Variants in SERPINB9 observed in about 807,000 individuals in gnomAD.
SERPINB9 encodes the protein serpin family B member 9.
A neutral mutation model predicts 27.2 loss-of-function variants in SERPINB9; 20 were observed. The ratio of observed to expected loss-of-function variants is 0.74; its 90% confidence interval spans 0.52 to 1.07. The LOEUF is 1.07. SERPINB9 is among the 50% of genes least tolerant of loss of function. The pLI, the probability that SERPINB9 is intolerant of heterozygous loss-of-function variation, is 0.00. For missense variants in SERPINB9, 476 were observed against 460.1 expected, an observed-to-expected ratio of 1.03 and a Z score of -0.32; for synonymous variants, 189 against 180.0, an observed-to-expected ratio of 1.05 and a Z score of -0.40.
intron 1 of SERPINB9, among the ~76,000 whole-genome samples, chr6:2,900,885 T>TCACACACACACA (rs5742054): frequency 6.4e-5 from 9 of 141,482 alleles, no homozygotes; most frequent in African/African-American, 1.4e-4. Context: ...GCTCGCTCTC[T>TCACACACACACA]CACACACACA....
chr6:2,893,389 G>T, intron 5 of SERPINB9, 22 bp downstream of exon 5: 1 of 1,589,972 alleles, frequency 6.3e-7, no homozygotes, highest in Non-Finnish European at 8.6e-7. Flanking sequence ...AAACTAGCAG[G>T]ATTTTAAAAA....
chr6:2,892,578 C>T (rs1335056809), intron 5 of SERPINB9, among the ~76,000 whole-genome samples: 1 of 152,018 alleles, frequency 6.6e-6, no homozygotes, highest in Non-Finnish European at 1.5e-5. Flanking sequence ...CATAGAAGCT[C>T]AGCAAAGTAT....
Position 2,887,952 on chromosome 6 carries a change from C to G in SERPINB9, c.*2211G>C, listed in dbSNP as rs1410626264. On this transcript the variant is annotated 3_prime_UTR_variant, in exon 7 of 7. Transcript: ENST00000380698. Reference sequence around the variant, plus strand: ...ACTTCACTTTGTTTTCATTCCTCCTCTAAAGCTTTTTAACAAACTGTCACT... The same window carrying G: ...ACTTCACTTTGTTTTCATTCCTCCTGTAAAGCTTTTTAACAAACTGTCACT... 1 of 151,582 alleles carries G rather than the reference C, an allele frequency of 6.6e-6. No individual in the cohort carries two copies. Among genetic ancestry groups the G allele is most frequent in the African/African-American group, 2.4e-5 (1 of 41,262 alleles). 9.4% of individuals were successfully genotyped at this position (151,582 alleles called of 1,614,324 possible).
rs1171136403 is a variant in SERPINB9 at position 2,889,200 on chromosome 6, T to C, written c.*963A>G. 1.3e-5 allele frequency: 2 copies of C among 152,188 alleles called. No individual in the cohort carries two copies. The highest frequency in any genetic ancestry group is 4.8e-5 in the African/African-American group (2 of 41,436). 9.4% of individuals were successfully genotyped at this position (152,188 alleles called of 1,614,324 possible). A position where few individuals can be genotyped will look rare whatever the true frequency, so the allele number is the denominator to read the frequency against. On this transcript the variant is annotated 3_prime_UTR_variant, in exon 7 of 7. Transcript: ENST00000380698. The stretch of plus-strand genomic sequence containing the variant: ...AGAAATACAATATCATAAAGAAAGA[T>C]GTGATCCCTACAAGAGGATTACGTG...
At position 2,900,436 on chromosome 6, in the gene SERPINB9, A is replaced by C. The variant is rs1161279839; in HGVS notation, c.168+8T>G. ...CAGTCCCTGCTCCTGGCGGACGGGCAAGCTTACCTGGGCCATCTGGGTTGC... is the reference window on the plus strand; with the variant it reads ...CAGTCCCTGCTCCTGGCGGACGGGCCAGCTTACCTGGGCCATCTGGGTTGC... On this transcript the variant is annotated splice_region_variant and intron_variant, in intron 2 of 6. Transcript: ENST00000380698. 1.2e-6 allele frequency: 2 copies of C among 1,613,636 alleles called. No individual in the cohort carries two copies. Among genetic ancestry groups the C allele is most frequent in the South Asian group, 2.2e-5 (2 of 91,058 alleles).
At chr6:2,901,690 G>GAAGA (rs1768207127) in intron 1 of SERPINB9, among the ~76,000 whole-genome samples, 1 of 151,944 alleles carries the variant, frequency 6.6e-6, no homozygotes, top group Admixed American at 6.5e-5. Flanking sequence ...GGTGAGCCTG[G>GAAGA]GAGACCTCCC....
Position 2,903,140 on chromosome 6 carries a change from G to C in SERPINB9, c.-11+61C>G, listed in dbSNP as rs915703865. ...CCGGTCCCATCACTCGGTGGCAGCC[G>C]GTGGACCTGAAGCTCGCCACTCCCG... On this transcript the variant is annotated intron_variant, in intron 1 of 6. Transcript: ENST00000380698. This position sits in a 1 kb window ranked among gnomAD's most constrained non-coding sequence, Gnocchi z 5.2. 36 of 152,160 alleles carry C rather than the reference G, an allele frequency of 2.4e-4. No individual in the cohort carries two copies. Among genetic ancestry groups the C allele is most frequent in the African/African-American group, 8.2e-4 (34 of 41,410 alleles). 9.4% of individuals were successfully genotyped at this position (152,160 alleles called of 1,614,324 possible).
intron 1 of SERPINB9, among the ~76,000 whole-genome samples, chr6:2,902,706 C>T (rs1347309561): frequency 6.6e-6 from 1 of 151,912 alleles, no homozygotes. Flanking sequence ...TTAGTAGAGA[C>T]CGGTTTTCAC....
Position 2,900,248 on chromosome 6 carries a change from C to T in SERPINB9, c.168+196G>A, listed in dbSNP as rs28482830. On this transcript the variant is annotated intron_variant, in intron 2 of 6. Transcript: ENST00000380698. ...AGGAAAGTTTCCCCCAAATAAATCT[C>T]GGTGGAGCAGAGTTCCTGCCTCCCT... is the stretch of plus-strand genomic sequence containing the variant. Among the ~76,000 whole-genome samples, 7 of 152,260 alleles carry T rather than the reference C, an allele frequency of 4.6e-5. No homozygotes were observed. The East Asian group carries it at 1.4e-3, about 29-fold the overall frequency.
chr6:2,891,207 G>A lies in SERPINB9; in HGVS notation c.723+626C>T, dbSNP rs1345321591. Among the ~76,000 whole-genome samples the A allele has an allele frequency of 6.6e-6, 1 of 152,160 alleles. No homozygotes were observed. Among genetic ancestry groups the A allele is most frequent in the Admixed American group, 6.5e-5 (1 of 15,278 alleles). ...TGGAGATCCATGCTGAAAGGAAGCC[G>A]AGTGCCTGGATGTGCCCTCAGAGGC... On this transcript the variant is annotated intron_variant, in intron 6 of 6. Coordinates refer to ENST00000380698, the MANE Select transcript of SERPINB9 (RefSeq NM_004155.6). The surrounding 1 kb of genome is among the most constrained non-coding windows in gnomAD (Gnocchi z 4.0).
At chr6:2,896,936 T>C (rs1025788059) in intron 2 of SERPINB9, among the ~76,000 whole-genome samples, 1 of 150,870 alleles carries the variant, frequency 6.6e-6, no homozygotes, top group African/African-American at 2.4e-5. Context: ...GCCCAAGAGT[T>C]TGAGGCTAGC....
chr6:2,894,105 C>T lies in SERPINB9; in HGVS notation c.425-552G>A, dbSNP rs1767916584. ...AGAGGATGTGGGCAAACAAAGATCA[C>T]CCCTTCTTTCCCTGGAGATCAAGTG... On this transcript the variant is annotated intron_variant, in intron 4 of 6. Transcript: ENST00000380698. The surrounding 1 kb of genome is among the most constrained non-coding windows in gnomAD (Gnocchi z 4.7). Among the ~76,000 whole-genome samples, 9 of 152,128 alleles carry T rather than the reference C, an allele frequency of 5.9e-5. No individual in the cohort carries two copies. The South Asian group carries it at 1.9e-3, about 32-fold the overall frequency.
intron 1 of SERPINB9, among the ~76,000 whole-genome samples, chr6:2,902,966 A>G (rs1014619239): frequency 2.0e-5 from 3 of 152,028 alleles, no homozygotes; most frequent in South Asian, 2.1e-4. Context: ...CAGCGAGGAG[A>G]CATCCGGGAG....
rs61100591 is a variant in SERPINB9 at position 2,900,885 on chromosome 6, T to TCTCTCTCTCACACACACACACA, written c.-10-265_-10-264insTGTGTGTGTGTGTGAGAGAGAG. Among the ~76,000 whole-genome samples, 998 of 141,558 alleles carry TCTCTCTCTCACACACACACACA rather than the reference T, an allele frequency of 7.1e-3. 16 individuals are homozygous for TCTCTCTCTCACACACACACACA. Among genetic ancestry groups the TCTCTCTCTCACACACACACACA allele is most frequent in the African/African-American group, 0.025 (895 of 35,830 alleles). 92.9% of individuals were successfully genotyped at this position (141,558 alleles called of 152,430 possible). A position where few individuals can be genotyped will look rare whatever the true frequency, so the allele number is the denominator to read the frequency against. On this transcript the variant is annotated intron_variant, in intron 1 of 6. Transcript: ENST00000380698. ...TGGCTCGCCTGCAGAGCTCGCTCTC[T>TCTCTCTCTCACACACACACACA]CACACACACACACACACACACACAC...
intron 3 of SERPINB9, among the ~76,000 whole-genome samples, 196 bp downstream of exon 3, chr6:2,895,857 C>G (rs1467256721): frequency 2.0e-5 from 3 of 151,732 alleles, no homozygotes; most frequent in South Asian, 2.1e-4. Flanking sequence ...TCCCAACAGG[C>G]AGGAGGATCA....
rs1385623309 is a variant in SERPINB9, at chr6:2,887,513, T to G, written c.*2650A>C. On this transcript the variant is annotated 3_prime_UTR_variant, in exon 7 of 7. Coordinates refer to ENST00000380698, the MANE Select transcript of SERPINB9 (RefSeq NM_004155.6). ...AAGAAATGCAATAAGTATCTGCATA[T>G]GATACATAATGTTGCAGATGTTTGT... The G allele has an allele frequency of 6.6e-6, 1 of 152,188 alleles. No homozygotes were observed. Among genetic ancestry groups the G allele is most frequent in the East Asian group, 1.9e-4 (1 of 5,202 alleles). The allele number at this position is 152,188 out of a possible 1,614,324, so 9.4% of individuals were successfully genotyped here.
At chr6:2,900,954 A>G (rs955156707) in intron 1 of SERPINB9, among the ~76,000 whole-genome samples, 1 of 151,308 alleles carries the variant, frequency 6.6e-6, no homozygotes, top group African/African-American at 2.4e-5. Flanking sequence ...TAAGGACCAG[A>G]TCGTCCCATC....
intron 1 of SERPINB9, 125 bp from the exon 2 acceptor site, chr6:2,900,746 A>G: frequency 3.4e-6 from 3 of 884,022 alleles, no homozygotes; most frequent in Admixed American, 2.6e-5. Context: ...AGTATTTTAA[A>G]TTGGAGAAAA....
In SERPINB9 at chr6:2,900,399, C is replaced by T. The variant is rs371157291; in HGVS notation, c.168+45G>A. 134 of 1,597,434 alleles carry T rather than the reference C, an allele frequency of 8.4e-5. No homozygotes were observed. In the African/African-American group the frequency reaches 1.6e-3, roughly 19 times the overall value. ...TGAGTGTGAAGCTGGTGACAGAACA[C>T]GCAGCCCAGGCCAGTCCCTGCTCCT... On this transcript the variant is annotated intron_variant, in intron 2 of 6. Transcript: ENST00000380698.
Sources: allele counts gnomAD v4.1 joint callset (sites outside exome capture counted in the v4.1 genomes callset), GRCh38; gene constraint gnomAD v4.1.1; non-coding constraint Gnocchi (gnomAD v3.1); transcripts MANE v1.5; gene names NCBI Gene and HGNC (gene_info 2026-07-23, HGNC 2026-07-21).